SMAGP: variants seen among roughly 807,000 people sequenced by gnomAD.
The protein encoded by SMAGP is small cell adhesion glycoprotein.
SMAGP carries 7 observed loss-of-function variants against 10.1 expected under a neutral mutation model. That is an observed-to-expected ratio of 0.70 (90% CI 0.40 to 1.31). The LOEUF is 1.31. Ranked by LOEUF, SMAGP falls within the 50% of genes most tolerant of loss-of-function variation. The pLI, the probability that SMAGP is intolerant of heterozygous loss-of-function variation, is 0.01. For missense variants in SMAGP, 113 were observed against 116.5 expected (o/e 0.97, Z 0.14); for synonymous variants, 49 against 47.2 (o/e 1.04, Z -0.16).
At chr12:51,269,999 T>A (rs1418508352) in intron 1 of SMAGP, 1 of 151,720 alleles carries the variant, frequency 6.6e-6, no homozygotes, top group Non-Finnish European at 1.5e-5. Context: ...CGGGCTGGGT[T>A]GGTCCTCGCC....
intron 2 of SMAGP, among the ~76,000 whole-genome samples, chr12:51,263,736 CCA>C (rs1358134187): frequency 2.6e-5 from 4 of 152,216 alleles, no homozygotes; most frequent in Admixed American, 1.3e-4. Flanking sequence ...AGGCACAGTT[CCA>C]CTCTGCCCTA....
intron 2 of SMAGP, among the ~76,000 whole-genome samples, chr12:51,266,008 T>G (rs1243770400): frequency 1.3e-5 from 2 of 151,544 alleles, no homozygotes; most frequent in African/African-American, 2.4e-5. Context: ...CGTGAACCCA[T>G]GAGGCGGAGC....
chr12:51,259,276 G>A (rs541759443), intron 2 of SMAGP, among the ~76,000 whole-genome samples: 8 of 152,228 alleles, frequency 5.3e-5, no homozygotes, highest in East Asian at 1.9e-4. Flanking sequence ...GGGAAGATTC[G>A]ACAATTTTAA....
At chr12:51,263,596 T>A (rs1308151396) in intron 2 of SMAGP, among the ~76,000 whole-genome samples, 3 of 152,104 alleles carry the variant, frequency 2.0e-5, no homozygotes, top group Admixed American at 6.6e-5. Context: ...CTACAAAAAA[T>A]TATTTTTAAA....
Position 51,245,924 on chromosome 12 carries a change from T to C in SMAGP, c.*17A>G. ...AGCGATGGAGCCAGGAATAAGCTCCTTGGGGCCTGGGAGTCATTAGATGAA... is the reference window on the plus strand; with the variant it reads ...AGCGATGGAGCCAGGAATAAGCTCCCTGGGGCCTGGGAGTCATTAGATGAA... On this transcript the variant is annotated 3_prime_UTR_variant, in exon 4 of 4. Transcript: ENST00000603798. 1 of 1,607,400 alleles carries C rather than the reference T, an allele frequency of 6.2e-7. No homozygotes were observed. Among genetic ancestry groups the C allele is most frequent in the Non-Finnish European group, 8.5e-7 (1 of 1,175,596 alleles).
intron 2 of SMAGP, among the ~76,000 whole-genome samples, chr12:51,263,410 C>A (rs1367115099): frequency 6.6e-6 from 1 of 151,358 alleles, no homozygotes; most frequent in Non-Finnish European, 1.5e-5. Flanking sequence ...AAGAAAATTC[C>A]TTAACTCCCC....
At chr12:51,248,422 ACACACACACACACTCTCTCTCTCTCTCT>A (rs1944801425) in intron 2 of SMAGP, among the ~76,000 whole-genome samples, 1 of 111,206 alleles carries the variant, frequency 9.0e-6, no homozygotes. Flanking sequence ...ACACACACAC[ACACACACACACACTCTCTCTCTCTCTCT>A]CTCTCTCTCT....
At chr12:51,263,249 G>T (rs925734891) in intron 2 of SMAGP, among the ~76,000 whole-genome samples, 1 of 151,964 alleles carries the variant, frequency 6.6e-6, no homozygotes, top group African/African-American at 2.4e-5. Flanking sequence ...TGGGCATAGT[G>T]GTGGGCGCCT....
rs369338735 is a variant in SMAGP, at chr12:51,269,787, G to C, written c.-39+469C>G. 1.1e-4 allele frequency: 17 copies of C among 152,560 alleles called. No homozygotes were observed. In the South Asian group the frequency reaches 2.3e-3, roughly 20 times the overall value. 9.5% of individuals were successfully genotyped at this position (152,560 alleles called of 1,614,324 possible). A position where few individuals can be genotyped will look rare whatever the true frequency, so the allele number is the denominator to read the frequency against. On this transcript the variant is annotated intron_variant, in intron 1 of 3. Transcript: ENST00000603798. ...CGGAGTGGGCGCAGCGCAGTAGCCG[G>C]GCCGGGACCGGGAGGCGACGGCCGT...
intron 2 of SMAGP, among the ~76,000 whole-genome samples, chr12:51,252,522 G>T (rs914581739): frequency 2.6e-5 from 4 of 151,992 alleles, no homozygotes; most frequent in African/African-American, 9.7e-5. Flanking sequence ...CTCCCAAGTA[G>T]CTGGAATTAC....
In SMAGP at chr12:51,270,400, CG is replaced by C. The variant is rs1945021466; in HGVS notation, c.-184del. On this transcript the variant is annotated 5_prime_UTR_variant, in exon 1 of 4. Coordinates refer to ENST00000603798, the MANE Select transcript of SMAGP (RefSeq NM_001031628.2). ...AGCGGAGGAAGCCGCGGGTGGCGCG[CG>C]GGGTTGGCGCAGAGGCCGGAGGGGG... 4.3e-6 allele frequency: 1 copy of C among 233,044 alleles called. No homozygotes were observed. Among genetic ancestry groups the C allele is most frequent in the African/African-American group, 2.2e-5 (1 of 44,618 alleles). The allele number at this position is 233,044 out of a possible 1,614,324, so 14.4% of individuals were successfully genotyped here. A position where few individuals can be genotyped will look rare whatever the true frequency, so the allele number is the denominator to read the frequency against.
At chr12:51,255,111 C>CT (rs1336250205) in intron 2 of SMAGP, among the ~76,000 whole-genome samples, 1 of 152,162 alleles carries the variant, frequency 6.6e-6, no homozygotes, top group Non-Finnish European at 1.5e-5. Context: ...TCATGGCTCA[C>CT]TGCAGCCTCC....
Position 51,267,590 on chromosome 12 carries a change from C to G in SMAGP, c.34+1655G>C, listed in dbSNP as rs145989019. 1.9e-3 allele frequency among the ~76,000 whole-genome samples: 287 copies of G among 151,182 alleles called. 2 individuals carry two copies. Among genetic ancestry groups the G allele is most frequent in the Non-Finnish European group, 3.0e-3 (204 of 67,880 alleles). On this transcript the variant is annotated intron_variant, in intron 2 of 3. Transcript: ENST00000603798. ...CTCATTGCAACCTCCATCTCCTGGG[C>G]TCAAGGGATCCTCCCACCTAAGCCT...
At chr12:51,246,462 C>A in intron 3 of SMAGP, 1 of 428,428 alleles carries the variant, frequency 2.3e-6, no homozygotes, top group East Asian at 3.7e-5. Flanking sequence ...CCCTCTTCCT[C>A]ACCCACTCAA....
At position 51,246,758 on chromosome 12, in the gene SMAGP, G is replaced by A; in HGVS notation, c.108C>T (p.Leu36=). 6.3e-7 allele frequency: 1 copy of A among 1,582,036 alleles called. No homozygotes were observed. The highest frequency in any genetic ancestry group is 8.6e-7 in the Non-Finnish European group (1 of 1,164,534). ...TGGCTCAGAGTCTATTACCTGCAAT[G>A]AGTGCTGTGCTGGCTCCATCTTCTG... ...LSPEDGASTA[L]IAVVITVVFL... Residue 36 remains leucine, a synonymous_variant, in exon 3 of 4, where the codon CTC becomes CTT. Transcript: ENST00000603798.
chr12:51,265,802 C>T (rs1307793777), intron 2 of SMAGP, among the ~76,000 whole-genome samples: 1 of 151,846 alleles, frequency 6.6e-6, no homozygotes, highest in African/African-American at 2.4e-5. Flanking sequence ...ATACAGTAGT[C>T]CCCCCAGGCC....
intron 2 of SMAGP, among the ~76,000 whole-genome samples, chr12:51,247,324 G>C (rs1259259157): frequency 6.6e-6 from 1 of 152,128 alleles, no homozygotes; most frequent in African/African-American, 2.4e-5. Context: ...TTTTCTTGCA[G>C]CATTCTTACT....
chr12:51,253,841 G>A (rs1944862930), intron 2 of SMAGP, among the ~76,000 whole-genome samples: 1 of 152,168 alleles, frequency 6.6e-6, no homozygotes, highest in Non-Finnish European at 1.5e-5. Flanking sequence ...GGGAGGTAGA[G>A]GTTGCAGTGA....
chr12:51,246,208 C>T lies in SMAGP; in HGVS notation c.116-89G>A, dbSNP rs11169777. 1,902 of 1,529,994 alleles carry T rather than the reference C, an allele frequency of 1.2e-3. 18 individuals carry two copies. In the African/African-American group the frequency reaches 0.021, roughly 17 times the overall value. The allele number at this position is 1,529,994 out of a possible 1,614,324, so 94.8% of individuals were successfully genotyped here. A position where few individuals can be genotyped will look rare whatever the true frequency, so the allele number is the denominator to read the frequency against. Reference sequence around the variant, plus strand: ...AGTCATCTGATTTAGTCACTGTTTTCGTAAAGATCCTCTTGTTTTCATTAA... The same window carrying T: ...AGTCATCTGATTTAGTCACTGTTTTTGTAAAGATCCTCTTGTTTTCATTAA... On this transcript the variant is annotated intron_variant, in intron 3 of 3. Transcript: ENST00000603798.
Sources: gnomAD v4.1 joint callset for allele counts (sites outside exome capture counted in the v4.1 genomes callset) on GRCh38, gnomAD v4.1.1 for gene constraint, MANE v1.5 for transcripts, NCBI Gene and HGNC (gene_info 2026-07-23, HGNC 2026-07-21) for gene names.